The following FILIP1L variants were observed in gnomAD, a reference collection of about 807,000 sequenced individuals.
FILIP1L encodes the protein filamin A interacting protein 1 like.
FILIP1L carries 55 observed loss-of-function variants against 96.6 expected under a neutral mutation model. The ratio of observed to expected loss-of-function variants is 0.57; its 90% CI spans 0.46 to 0.71. The LOEUF (loss-of-function observed/expected upper bound fraction) is 0.71. Ranked by LOEUF, FILIP1L falls within the 30% of genes least tolerant of loss-of-function variation. The pLI is 0.00. For missense variants in FILIP1L, 1,304 were observed against 1,321.2 expected, an observed-to-expected ratio of 0.99 and a Z score of 0.20; for synonymous variants, 467 against 473.9, an observed-to-expected ratio of 0.99 and a Z score of 0.19.
chr3:99,902,518 T>C (rs1706470087), intron 4 of FILIP1L, among the ~76,000 whole-genome samples: 1 of 152,216 alleles, frequency 6.6e-6, no homozygotes, highest in Non-Finnish European at 1.5e-5. Flanking sequence ...TATCTAGCTG[T>C]CAGCTCATTC....
At chr3:100,021,563 C>T (rs1357706711) in intron 1 of FILIP1L, among the ~76,000 whole-genome samples, 1 of 152,148 alleles carries the variant, frequency 6.6e-6, no homozygotes, top group East Asian at 1.9e-4. Flanking sequence ...ATCGTGAGCT[C>T]TTGAATTTGA....
At chr3:100,079,207 G>T (rs1171778850) in intron 1 of FILIP1L, among the ~76,000 whole-genome samples, 2 of 152,138 alleles carry the variant, frequency 1.3e-5, no homozygotes, top group African/African-American at 2.4e-5. Context: ...GGTGAGAGTC[G>T]CCAGGCCATT....
intron 1 of FILIP1L, among the ~76,000 whole-genome samples, chr3:99,957,775 G>A (rs367924281): frequency 7.4e-6 from 1 of 134,392 alleles, no homozygotes; most frequent in Non-Finnish European, 1.5e-5. Context: ...TCCATTCAGT[G>A]ATATAAAGCA....
intron 4 of FILIP1L, among the ~76,000 whole-genome samples, chr3:99,881,110 T>C (rs1427433355): frequency 6.6e-6 from 1 of 152,166 alleles, no homozygotes; most frequent in Non-Finnish European, 1.5e-5. Flanking sequence ...GAATCATCTG[T>C]TGGTAAGAGA....
At chr3:99,903,282 C>T (rs551867362) in intron 4 of FILIP1L, among the ~76,000 whole-genome samples, 101 of 150,686 alleles carry the variant, frequency 6.7e-4, no homozygotes, top group African/African-American at 2.3e-3. Context: ...GACGGAATCT[C>T]GCTCTGTCAC....
At chr3:100,089,762 C>T (rs1006455243) in intron 1 of FILIP1L, among the ~76,000 whole-genome samples, 1 of 152,144 alleles carries the variant, frequency 6.6e-6, no homozygotes, top group Admixed American at 6.5e-5. Flanking sequence ...AGAAGACACC[C>T]GTGGCTAATT....
chr3:100,090,965 G>A (rs2066093169), intron 1 of FILIP1L, among the ~76,000 whole-genome samples: 1 of 152,102 alleles, frequency 6.6e-6, no homozygotes, highest in Non-Finnish European at 1.5e-5. Context: ...TTTAACCCAA[G>A]GTCATTTGGA....
chr3:99,832,762 C>G (rs1942727216), intron 5 of FILIP1L, among the ~76,000 whole-genome samples: 1 of 147,504 alleles, frequency 6.8e-6, no homozygotes, highest in African/African-American at 2.5e-5. Flanking sequence ...ATCGCTTGAA[C>G]CCACGAGGCG....
At chr3:99,952,283 A>G (rs1708200402) in intron 1 of FILIP1L, among the ~76,000 whole-genome samples, 2 of 152,140 alleles carry the variant, frequency 1.3e-5, no homozygotes, top group African/African-American at 4.8e-5. Flanking sequence ...TTTCAATTGG[A>G]TTATTTTGGC....
At chr3:99,934,010 C>T (rs975650183) in intron 1 of FILIP1L, among the ~76,000 whole-genome samples, 1 of 152,148 alleles carries the variant, frequency 6.6e-6, no homozygotes, top group Non-Finnish European at 1.5e-5. Flanking sequence ...CGGGCTCTCA[C>T]GTATTTGGCT....
At chr3:100,060,171 GA>G (rs377733428) in intron 1 of FILIP1L, among the ~76,000 whole-genome samples, 411 of 152,228 alleles carry the variant, frequency 2.7e-3, no homozygotes, top group African/African-American at 9.3e-3. Flanking sequence ...CCAGACTGAA[GA>G]GGTTGAGATT....
At chr3:99,964,559 T>C (rs1409976806) in intron 1 of FILIP1L, among the ~76,000 whole-genome samples, 1 of 151,948 alleles carries the variant, frequency 6.6e-6, no homozygotes, top group Non-Finnish European at 1.5e-5. Flanking sequence ...CTCTGTTCTT[T>C]GCACCATATC....
At chr3:99,995,057 T>C (rs761201008) in intron 1 of FILIP1L, among the ~76,000 whole-genome samples, 2 of 152,112 alleles carry the variant, frequency 1.3e-5, no homozygotes, top group Non-Finnish European at 2.9e-5. Flanking sequence ...ACCCAAAGTC[T>C]TAACTCATTT....
At chr3:99,884,277 C>T (rs958735302) in intron 4 of FILIP1L, among the ~76,000 whole-genome samples, 1 of 152,114 alleles carries the variant, frequency 6.6e-6, no homozygotes, top group Admixed American at 6.6e-5. Context: ...TGTCTTCTCT[C>T]CCTTTTTATT....
At chr3:99,956,850 C>T (rs1464576148) in intron 1 of FILIP1L, among the ~76,000 whole-genome samples, 2 of 152,178 alleles carry the variant, frequency 1.3e-5, no homozygotes, top group Admixed American at 1.3e-4. Context: ...CTTCACATTG[C>T]CTGAATTCAT....
chr3:99,931,201 C>T (rs1707472761), intron 1 of FILIP1L, among the ~76,000 whole-genome samples, 171 bp from the exon 2 acceptor site: 1 of 152,076 alleles, frequency 6.6e-6, no homozygotes, highest in Non-Finnish European at 1.5e-5. Context: ...AAATCACAGT[C>T]TTATTTGCAC....
At chr3:100,017,787 G>A (rs951921518) in intron 1 of FILIP1L, among the ~76,000 whole-genome samples, 1 of 152,062 alleles carries the variant, frequency 6.6e-6, no homozygotes, top group African/African-American at 2.4e-5. Flanking sequence ...AAGAAACACT[G>A]GTCTTCTCCG....
chr3:99,948,268 C>T (rs913750821), intron 1 of FILIP1L, among the ~76,000 whole-genome samples: 1 of 151,782 alleles, frequency 6.6e-6, no homozygotes, highest in African/African-American at 2.4e-5. Context: ...GTCTCACACC[C>T]GATCACTTGA....
At chr3:99,987,149 A>G (rs1346601154) in intron 1 of FILIP1L, among the ~76,000 whole-genome samples, 1 of 151,442 alleles carries the variant, frequency 6.6e-6, no homozygotes, top group Non-Finnish European at 1.5e-5. Context: ...AGGATCACTT[A>G]AGCCCAGGAG....
Sources: gnomAD v4.1 joint callset for allele counts (sites outside exome capture counted in the v4.1 genomes callset) on GRCh38, gnomAD v4.1.1 for gene constraint, MANE v1.5 for transcripts, NCBI Gene and HGNC (gene_info 2026-07-23, HGNC 2026-07-21) for gene names.